Variants in TENM3 observed in about 807,000 individuals in gnomAD.
The protein encoded by TENM3 is teneurin transmembrane protein 3.
TENM3 carries 63 observed loss-of-function variants against 255.1 expected under a neutral mutation model. The ratio of observed to expected loss-of-function variants is 0.25; its 90% confidence interval spans 0.20 to 0.30. The LOEUF (loss-of-function observed/expected upper bound fraction) is 0.30. TENM3 is among the 10% of genes least tolerant of loss of function. TENM3 has a pLI of 1.00. For synonymous variants in TENM3, 1,306 were observed against 1,322.3 expected, an observed-to-expected ratio of 0.99 and a Z score of 0.27; for missense variants, 2,929 against 3,461.1, an observed-to-expected ratio of 0.85 and a Z score of 3.86.
the TENM3 span, among the ~76,000 whole-genome samples, chr4:181,925,187 TG>T: frequency 6.6e-6 from 1 of 152,158 alleles, no homozygotes; most frequent in African/African-American, 2.4e-5. Context: ...TTAACAGTCT[TG>T]GGTGTTTTTA....
chr4:181,639,833 C>T, the TENM3 span, among the ~76,000 whole-genome samples: 273 of 152,310 alleles, frequency 1.8e-3, no homozygotes, highest in Non-Finnish European at 2.6e-3. Flanking sequence ...TCCTACTTCT[C>T]GGCCAAGGAG....
chr4:182,092,364 C>T, the TENM3 span, among the ~76,000 whole-genome samples: 68 of 151,376 alleles, frequency 4.5e-4, no homozygotes, highest in South Asian at 0.013. Context: ...AAACAAACTA[C>T]AGGGCAGGCA....
At chr4:181,769,093 T>C in the TENM3 span, among the ~76,000 whole-genome samples, 2 of 152,166 alleles carry the variant, frequency 1.3e-5, no homozygotes, top group Non-Finnish European at 2.9e-5. Flanking sequence ...AATTGTTTGA[T>C]TGGATTTTAT....
intron 27 of TENM3, among the ~76,000 whole-genome samples, chr4:182,797,905 G>A (rs1388413849): frequency 6.6e-6 from 1 of 152,130 alleles, no homozygotes; most frequent in Non-Finnish European, 1.5e-5. Context: ...CCTGTTTTTT[G>A]TTGTTTCATA....
At chr4:182,729,741 G>A (rs1329120452) in intron 14 of TENM3, among the ~76,000 whole-genome samples, 1 of 152,178 alleles carries the variant, frequency 6.6e-6, no homozygotes, top group Non-Finnish European at 1.5e-5. Flanking sequence ...CAGCATTAAT[G>A]CAGTTATAGC....
intron 24 of TENM3, among the ~76,000 whole-genome samples, chr4:182,779,767 G>C (rs1282851746): frequency 3.3e-5 from 5 of 152,158 alleles, no homozygotes; most frequent in African/African-American, 9.7e-5. Context: ...AGTGTGAGAT[G>C]GTATCTCATT....
intron 5 of TENM3, among the ~76,000 whole-genome samples, chr4:182,646,369 G>A (rs112711201): frequency 3.3e-5 from 5 of 152,302 alleles, no homozygotes; most frequent in African/African-American, 1.2e-4. Context: ...AAGTATTGAT[G>A]ATGTGTGGCT....
the TENM3 span, among the ~76,000 whole-genome samples, chr4:181,496,355 A>G: frequency 5.4e-4 from 63 of 116,544 alleles, no homozygotes; most frequent in African/African-American, 1.4e-3. Flanking sequence ...AAATTTCTTC[A>G]CTGTTCATCC....
the TENM3 span, among the ~76,000 whole-genome samples, chr4:181,666,610 A>G: frequency 6.6e-6 from 1 of 152,210 alleles, no homozygotes; most frequent in Non-Finnish European, 1.5e-5. Context: ...ATTAAGGGGT[A>G]CATAATAAAA....
chr4:182,522,004 A>G (rs926559847), intron 3 of TENM3, among the ~76,000 whole-genome samples: 4 of 152,188 alleles, frequency 2.6e-5, no homozygotes, highest in Admixed American at 1.3e-4. Flanking sequence ...GCTCTTAAGA[A>G]CTAGTGGCTA....
the TENM3 span, among the ~76,000 whole-genome samples, chr4:181,829,734 T>TA: frequency 6.6e-6 from 1 of 152,088 alleles, no homozygotes; most frequent in South Asian, 2.1e-4. Context: ...TGCCAGCCCC[T>TA]ACATTGCCCA....
At chr4:182,736,712 T>TA in intron 16 of TENM3, 96 bp from the exon 17 acceptor site, 1 of 1,165,196 alleles carries the variant, frequency 8.6e-7, no homozygotes, top group Non-Finnish European at 1.2e-6. Context: ...AGAGAGTCAC[T>TA]ATTCACAAAT....
At chr4:181,883,213 G>T in the TENM3 span, among the ~76,000 whole-genome samples, 1 of 139,850 alleles carries the variant, frequency 7.2e-6, no homozygotes, top group East Asian at 2.1e-4. Context: ...TGACCGAATT[G>T]TAAACTCCCC....
the TENM3 span, among the ~76,000 whole-genome samples, chr4:182,119,529 A>G: frequency 6.6e-6 from 1 of 152,110 alleles, no homozygotes; most frequent in African/African-American, 2.4e-5. Context: ...GATTCTATGT[A>G]CCTGCCCATT....
At chr4:181,784,690 G>T in the TENM3 span, among the ~76,000 whole-genome samples, 45 of 152,068 alleles carry the variant, frequency 3.0e-4, no homozygotes, top group Non-Finnish European at 6.0e-4. Context: ...TCAGATAAAC[G>T]CTTTCTGCCC....
chr4:181,614,745 G>A, the TENM3 span, among the ~76,000 whole-genome samples: 1 of 152,296 alleles, frequency 6.6e-6, no homozygotes, highest in South Asian at 2.1e-4. Flanking sequence ...TGAGGATTGC[G>A]AAAACTATCT....
At chr4:182,059,717 T>C in the TENM3 span, among the ~76,000 whole-genome samples, 1 of 114,540 alleles carries the variant, frequency 8.7e-6, no homozygotes, top group East Asian at 2.5e-4. Context: ...AAGACCAGCC[T>C]AGGCAACATA....
intron 7 of TENM3, among the ~76,000 whole-genome samples, chr4:182,674,777 T>C (rs1461071961): frequency 2.0e-5 from 3 of 152,146 alleles, no homozygotes; most frequent in Non-Finnish European, 4.4e-5. Flanking sequence ...GGTTTCACCA[T>C]GTTGCCCAGG....
At chr4:182,433,926 G>A (rs996829784) in intron 3 of TENM3, among the ~76,000 whole-genome samples, 3 of 152,100 alleles carry the variant, frequency 2.0e-5, no homozygotes, top group Admixed American at 6.6e-5. Flanking sequence ...ATCAGCCAGT[G>A]CAACATAGTG....
Sources: allele counts gnomAD v4.1 joint callset (sites outside exome capture counted in the v4.1 genomes callset), GRCh38; gene constraint gnomAD v4.1.1; transcripts MANE v1.5; gene names NCBI Gene and HGNC (gene_info 2026-07-23, HGNC 2026-07-21).